The following ASXL2 variants were observed in gnomAD, a reference collection of about 807,000 sequenced individuals.
ASXL2 encodes putative Polycomb group protein ASXL2.
In ASXL2, 23 loss-of-function variants were observed where a neutral mutation model predicts 122.0. The observed-to-expected ratio is 0.19, with a 90% CI of 0.14 to 0.27. The LOEUF (loss-of-function observed/expected upper bound fraction) is 0.27, where lower values mean the gene tolerates loss of function less well. Among genes scored for constraint, ASXL2 ranks in the 10% least tolerant of loss-of-function variants. ASXL2 has a pLI of 1.00. For synonymous variants in ASXL2, 650 were observed against 637.0 expected (o/e 1.02, Z -0.31); for missense variants, 1,518 against 1,713.8 (o/e 0.89, Z 2.02).
At chr2:25,850,688 T>G (rs1415490105) in intron 1 of ASXL2, among the ~76,000 whole-genome samples, 2 of 152,242 alleles carry the variant, frequency 1.3e-5, no homozygotes, top group African/African-American at 2.4e-5. Context: ...CATTTCAATC[T>G]AATTGTTTTA....
intron 5 of ASXL2, among the ~76,000 whole-genome samples, chr2:25,771,927 G>A (rs1231899789): frequency 6.6e-6 from 1 of 152,190 alleles, no homozygotes; most frequent in Non-Finnish European, 1.5e-5. Flanking sequence ...TGGGTTGGCA[G>A]TTTAAAATAA....
intron 4 of ASXL2, among the ~76,000 whole-genome samples, chr2:25,805,212 A>G (rs891368476): frequency 6.6e-6 from 1 of 152,218 alleles, no homozygotes; most frequent in Admixed American, 6.5e-5. Flanking sequence ...TCTCCATTAT[A>G]AAAACGGAAT....
At chr2:25,756,579 T>C (rs2088139968) in intron 9 of ASXL2, among the ~76,000 whole-genome samples, 1 of 152,234 alleles carries the variant, frequency 6.6e-6, no homozygotes, top group African/African-American at 2.4e-5. Flanking sequence ...TCCTTGAGAT[T>C]GAGGAACTCT....
At chr2:25,762,211 G>A (rs2088264912) in intron 8 of ASXL2, among the ~76,000 whole-genome samples, 1 of 150,750 alleles carries the variant, frequency 6.6e-6, no homozygotes, top group South Asian at 2.1e-4. Context: ...TTAGAAGTGT[G>A]GTACCATTTA....
chr2:25,858,863 G>C (rs1387242225), intron 1 of ASXL2, among the ~76,000 whole-genome samples: 2 of 150,142 alleles, frequency 1.3e-5, no homozygotes, highest in African/African-American at 4.9e-5. Context: ...GCCCAGGCTG[G>C]AGTGCAGTGG....
At chr2:25,784,319 T>G (rs901342979) in intron 5 of ASXL2, among the ~76,000 whole-genome samples, 7 of 152,104 alleles carry the variant, frequency 4.6e-5, no homozygotes, top group African/African-American at 1.7e-4. Flanking sequence ...TCCTTCAGCT[T>G]TGGCTGCAAG....
At chr2:25,749,021 T>G (rs981699971) in intron 12 of ASXL2, among the ~76,000 whole-genome samples, 7 of 152,150 alleles carry the variant, frequency 4.6e-5, no homozygotes, top group Non-Finnish European at 7.4e-5. Context: ...TAAAGGTAGT[T>G]CCTGATTCAC....
chr2:25,742,299 T>C lies in ASXL2; in HGVS notation c.4038A>G (p.Pro1346=). The C allele has an allele frequency of 1.2e-6, 2 of 1,613,886 alleles. No individual in the cohort carries two copies. Among genetic ancestry groups the C allele is most frequent in the Non-Finnish European group, 1.7e-6 (2 of 1,179,854 alleles). ...CTACATTGCTAGATACCTGGCTACC[T>C]GGTACAGCAGAGTTATGGTCCATGT... ...SSDMDHNSAV[P]GSQVSSNVGD... is the part of the protein sequence containing the mutation. The change falls in exon 13 of 13, where the codon CCA becomes CCG. Residue 1346 remains proline (P), a synonymous_variant. Coordinates refer to ENST00000435504, the MANE Select transcript of ASXL2 (RefSeq NM_018263.6).
At chr2:25,747,094 T>C (rs1030028308) in intron 12 of ASXL2, among the ~76,000 whole-genome samples, 5 of 152,234 alleles carry the variant, frequency 3.3e-5, no homozygotes, top group Admixed American at 1.3e-4. Flanking sequence ...TAAATTGTTA[T>C]ACTGTATTTT....
chr2:25,823,594 C>T (rs1240664072), intron 3 of ASXL2, among the ~76,000 whole-genome samples: 2 of 152,184 alleles, frequency 1.3e-5, no homozygotes, highest in Non-Finnish European at 2.9e-5. Flanking sequence ...GTTTTTACAT[C>T]TCTTAGCACG....
In ASXL2 at chr2:25,738,327, G is replaced by A. The variant is rs1424432932; in HGVS notation, c.*3702C>T. On this transcript the variant is annotated 3_prime_UTR_variant, in exon 13 of 13. Coordinates refer to ENST00000435504, the MANE Select transcript of ASXL2 (RefSeq NM_018263.6). The stretch of plus-strand genomic sequence containing the variant: ...AACTTTAGGAAATGTTTTACCTACT[G>A]TTCTCTTTCAATAGGTTTGTAGGTA... 6.6e-6 allele frequency: 1 copy of A among 152,038 alleles called. No homozygotes were observed. The highest frequency in any genetic ancestry group is 1.5e-5 in the Non-Finnish European group (1 of 68,008). The allele number at this position is 152,038 out of a possible 1,614,324, so 9.4% of individuals were successfully genotyped here. A position where few individuals can be genotyped will look rare whatever the true frequency, so the allele number is the denominator to read the frequency against.
At chr2:25,845,368 C>G in intron 2 of ASXL2, 113 bp downstream of exon 2, 1 of 1,349,300 alleles carries the variant, frequency 7.4e-7, no homozygotes, top group Non-Finnish European at 1.0e-6. Flanking sequence ...CTGATCAGAA[C>G]AAAGCATTTA....
Position 25,858,540 on chromosome 2 carries a change from T to C in ASXL2, c.58-12977A>G, listed in dbSNP as rs183560181. 4.0e-5 allele frequency among the ~76,000 whole-genome samples: 6 copies of C among 151,778 alleles called. No individual in the cohort carries two copies. In the East Asian group the frequency reaches 1.2e-3, roughly 30 times the overall value. On this transcript the variant is annotated intron_variant, in intron 1 of 12. Coordinates refer to ENST00000435504, the MANE Select transcript of ASXL2 (RefSeq NM_018263.6). ...GAGATGGAGACCATTCTGGCCAACA[T>C]GGTGAAACCCCATCTCTACTAAAAA...
intron 1 of ASXL2, among the ~76,000 whole-genome samples, chr2:25,871,563 G>GA (rs1368777218): frequency 1.3e-5 from 2 of 152,168 alleles, no homozygotes; most frequent in East Asian, 1.9e-4. Context: ...AAACAGGTCA[G>GA]AAAAAATTAT....
At position 25,749,883 on chromosome 2, in the gene ASXL2, A is replaced by G. The variant is rs1354885963; in HGVS notation, c.1673T>C (p.Leu558Pro). 5 of 1,611,124 alleles carry G rather than the reference A, an allele frequency of 3.1e-6. No homozygotes were observed. Among genetic ancestry groups the G allele is most frequent in the Middle Eastern group, 1.7e-4 (1 of 6,042 alleles). The change falls in exon 12 of 13, where the codon CTT becomes CCT. Residue 558 changes from leucine to proline, a missense_variant. Around this residue, in one of 8 missense-constraint regions of ASXL2, gnomAD observed 292 missense variants for 293.5 expected, o/e 1.00. Coordinates refer to ENST00000435504, the MANE Select transcript of ASXL2 (RefSeq NM_018263.6). ...GAGGCTTTCTGGGCTCTGATCAACA[A>G]GAGTTGCTAGAGGTTCTTTCATATT... Reference protein sequence around the residue: ...ETNMKEPLATLVDQSPESLKR... With the variant: ...ETNMKEPLATPVDQSPESLKR...
intron 10 of ASXL2, among the ~76,000 whole-genome samples, chr2:25,754,013 C>T (rs1373226911): frequency 6.6e-6 from 1 of 152,160 alleles, no homozygotes; most frequent in Admixed American, 6.5e-5. Context: ...AACTATGCCA[C>T]TGGGCATTTT....
intron 3 of ASXL2, among the ~76,000 whole-genome samples, chr2:25,827,870 T>C (rs572111149): frequency 7.2e-5 from 11 of 152,274 alleles, no homozygotes; most frequent in African/African-American, 2.4e-4. Flanking sequence ...AGGGAGGTCA[T>C]AGCAATAAAA....
Position 25,878,419 on chromosome 2 carries a change from T to C in ASXL2, c.-197A>G. ...TCTATGGGGCGGCCGGTCCTCTTGC[T>C]GCCGTTGCCACTGCTACCGCCGCTG... On this transcript the variant is annotated 5_prime_UTR_variant, in exon 1 of 13. Transcript: ENST00000435504. 1 of 601,496 alleles carries C rather than the reference T, an allele frequency of 1.7e-6. No individual in the cohort carries two copies. 37.3% of individuals were successfully genotyped at this position (601,496 alleles called of 1,614,324 possible).
At position 25,757,293 on chromosome 2, in the gene ASXL2, T is replaced by A. The variant is rs147579761; in HGVS notation, c.940-1179A>T. 2.6e-3 allele frequency among the ~76,000 whole-genome samples: 398 copies of A among 152,018 alleles called. 1 individual carries two copies. The highest frequency in any genetic ancestry group is 9.0e-3 in the African/African-American group (372 of 41,490). The stretch of plus-strand genomic sequence containing the variant: ...AAGGACAATGTTACTCAGATTACTG[T>A]GGGCTCCAACCATGTTAACAACTGG... On this transcript the variant is annotated intron_variant, in intron 9 of 12. Transcript: ENST00000435504.
Sources: allele counts gnomAD v4.1 joint callset (sites outside exome capture counted in the v4.1 genomes callset), GRCh38; gene constraint gnomAD v4.1.1; regional missense constraint gnomAD v4.1.1; transcripts MANE v1.5; gene names NCBI Gene and HGNC (gene_info 2026-07-23, HGNC 2026-07-21).